TMEM8B: variants seen among roughly 807,000 people sequenced by gnomAD.
The protein encoded by TMEM8B is transmembrane protein 8B, also known as nasopharyngeal carcinoma expressed 6.
In TMEM8B, 29 loss-of-function variants were observed where a neutral mutation model predicts 49.3. The observed-to-expected ratio is 0.59, with a 90% CI of 0.44 to 0.80. The LOEUF (loss-of-function observed/expected upper bound fraction) is 0.80. Among genes scored for constraint, TMEM8B ranks in the 30% least tolerant of loss-of-function variants. TMEM8B has a pLI of 0.00. For missense variants in TMEM8B, 575 were observed against 658.5 expected (o/e 0.87, Z 1.39); for synonymous variants, 264 against 272.8 (o/e 0.97, Z 0.32).
Position 35,853,591 on chromosome 9 carries a change from A to G in TMEM8B, c.2526A>G (p.Ala842=), listed in dbSNP as rs769693103. 10 of 1,614,226 alleles carry G rather than the reference A, an allele frequency of 6.2e-6. No homozygotes were observed. The South Asian group carries it at 6.6e-5, about 11-fold the overall frequency. Residue 842 remains alanine, a synonymous_variant, in exon 13 of 13, where the codon GCA becomes GCG. Transcript: ENST00000643932. This position sits in a 1 kb window ranked among gnomAD's most constrained non-coding sequence, Gnocchi z 4.2. The stretch of plus-strand genomic sequence containing the variant: ...ACTTGTGCCCTGGCAGCCTTATTGC[A>G]GGCAGTGCCGTCCTGCTTTATGCTT... The part of the protein sequence containing the change: ...LFYLCPGSLI[A]GSAVLLYAFV...
intron 10 of TMEM8B, among the ~76,000 whole-genome samples, chr9:35,851,634 G>T (rs1832148246): frequency 6.6e-6 from 1 of 152,154 alleles, no homozygotes; most frequent in Admixed American, 6.5e-5. Context: ...TTTTGCAGGA[G>T]CAAAATTCTT....
At position 35,841,838 on chromosome 9, in the gene TMEM8B, G is replaced by A. The variant is rs1376512687; in HGVS notation, c.1309+44G>A. ...GCCCCAGTCTGTGTAGACATCTGTG[G>A]TTGGGAAGTGACTTGGGTGGCTGTG... On this transcript the variant is annotated intron_variant, in intron 5 of 12. Coordinates refer to ENST00000643932, the MANE Select transcript of TMEM8B (RefSeq NM_001042590.4). The surrounding 1 kb of genome is among the most constrained non-coding windows in gnomAD (Gnocchi z 5.9). 4 of 415,524 alleles carry A rather than the reference G, an allele frequency of 9.6e-6. No individual in the cohort carries two copies. The highest frequency in any genetic ancestry group is 2.1e-5 in the African/African-American group (1 of 48,694). 25.7% of individuals were successfully genotyped at this position (415,524 alleles called of 1,614,324 possible). A position where few individuals can be genotyped will look rare whatever the true frequency, so the allele number is the denominator to read the frequency against.
rs1326419253 is a variant in TMEM8B, at chr9:35,846,815, A to G, written c.1997-2A>G. The G allele has an allele frequency of 6.2e-7, 1 of 1,611,056 alleles. No homozygotes were observed. The highest frequency in any genetic ancestry group is 1.1e-5 in the South Asian group (1 of 90,994). On this transcript the variant is annotated splice_acceptor_variant, in intron 9 of 12. Transcript: ENST00000643932. LOFTEE classifies it high-confidence loss of function. The stretch of plus-strand genomic sequence containing the variant: ...TCCATTCTGTGCCTTCCCCACCCGC[A>G]GGGTGGAGAGGCTGGGGCTGCACCG...
rs769186047 is a variant in TMEM8B, at chr9:35,853,094, C to T, written c.2323-47C>T. 8.1e-6 allele frequency: 13 copies of T among 1,606,406 alleles called. No homozygotes were observed. The highest frequency in any genetic ancestry group is 9.4e-6 in the Non-Finnish European group (11 of 1,173,344). On this transcript the variant is annotated intron_variant, in intron 11 of 12. Coordinates refer to ENST00000643932, the MANE Select transcript of TMEM8B (RefSeq NM_001042590.4). This position sits in a 1 kb window ranked among gnomAD's most constrained non-coding sequence, Gnocchi z 4.2. ...TGATTCTGACCCAGGCCCTGGAGTG[C>T]TGTCTGTCACCTGGCCCTAGCCCAG...
rs942249199 is a variant in TMEM8B, at chr9:35,862,296, G to T, written c.*8456G>T. On this transcript the variant is annotated 3_prime_UTR_variant, in exon 13 of 13. Coordinates refer to ENST00000643932, the MANE Select transcript of TMEM8B (RefSeq NM_001042590.4). ...CTGAGATTCTCTCTGAGTCTGGGAT[G>T]TAAAGACAAAGTAAAACCTGAAATC... 3 of 152,206 alleles carry T rather than the reference G, an allele frequency of 2.0e-5. No homozygotes were observed. Among genetic ancestry groups the T allele is most frequent in the African/African-American group, 7.2e-5 (3 of 41,434 alleles). The allele number at this position is 152,206 out of a possible 1,614,324, so 9.4% of individuals were successfully genotyped here.
chr9:35,833,268 A>G (rs1398431274), intron 1 of TMEM8B: 2 of 977,998 alleles, frequency 2.0e-6, no homozygotes, highest in African/African-American at 3.5e-5. Flanking sequence ...GCCCCTCCAG[A>G]GTAGTCCTTA....
rs1206826648 is a variant in TMEM8B at position 35,859,696 on chromosome 9, A to G, written c.*5856A>G. 1 of 157,362 alleles carries G rather than the reference A, an allele frequency of 6.4e-6. No homozygotes were observed. The highest frequency in any genetic ancestry group is 1.5e-5 in the Non-Finnish European group (1 of 68,858). 9.7% of individuals were successfully genotyped at this position (157,362 alleles called of 1,614,324 possible). A position where few individuals can be genotyped will look rare whatever the true frequency, so the allele number is the denominator to read the frequency against. On this transcript the variant is annotated 3_prime_UTR_variant, in exon 13 of 13. Coordinates refer to ENST00000643932, the MANE Select transcript of TMEM8B (RefSeq NM_001042590.4). ...AGGGTCAGGTACATCTGCAGGGCAC[A>G]GCCAGGGAAGGAAATGGTCCTCTGG...
In TMEM8B at chr9:35,841,422, G is replaced by A; in HGVS notation, c.1041-104G>A. On this transcript the variant is annotated intron_variant, in intron 4 of 12. Coordinates refer to ENST00000643932, the MANE Select transcript of TMEM8B (RefSeq NM_001042590.4). The surrounding 1 kb of genome is among the most constrained non-coding windows in gnomAD (Gnocchi z 5.9). ...AGCACAGAGCGGGAGACCTGAACAG[G>A]CCTCCTTCCCACCCTATGCCCCCTC... 1 of 410,684 alleles carries A rather than the reference G, an allele frequency of 2.4e-6. No homozygotes were observed. Among genetic ancestry groups the A allele is most frequent in the African/African-American group, 2.0e-5 (1 of 48,788 alleles). 25.4% of individuals were successfully genotyped at this position (410,684 alleles called of 1,614,324 possible).
At chr9:35,834,965 C>G (rs1830304044) in intron 2 of TMEM8B, 46 bp from the exon 3 acceptor site, 1 of 415,674 alleles carries the variant, frequency 2.4e-6, no homozygotes, top group Non-Finnish European at 4.4e-6. Context: ...TTCCTGCCTC[C>G]CACCCCATTG....
intron 3 of TMEM8B, among the ~76,000 whole-genome samples, chr9:35,838,115 G>A (rs1830615871): frequency 6.6e-6 from 1 of 152,202 alleles, no homozygotes; most frequent in Non-Finnish European, 1.5e-5. Flanking sequence ...GAGGTGGTTA[G>A]AATCTGCTAA....
In TMEM8B at chr9:35,853,402, CTT is replaced by C; in HGVS notation, c.2440-101_2440-100del. On this transcript the variant is annotated intron_variant, in intron 12 of 12. Transcript: ENST00000643932. This position sits in a 1 kb window ranked among gnomAD's most constrained non-coding sequence, Gnocchi z 4.2. The stretch of plus-strand genomic sequence containing the variant: ...TGTCCGCTCCAGTCTTGGCAGGTGT[CTT>C]TAGGTCACAACCAGGATACAGAGGA... 1.3e-6 allele frequency: 2 copies of C among 1,508,602 alleles called. No individual in the cohort carries two copies. The highest frequency in any genetic ancestry group is 2.7e-5 in the African/African-American group (2 of 72,772). The allele number at this position is 1,508,602 out of a possible 1,614,324, so 93.5% of individuals were successfully genotyped here.
At chr9:35,845,273 C>A in intron 6 of TMEM8B, 1 of 463,240 alleles carries the variant, frequency 2.2e-6, no homozygotes, top group Non-Finnish European at 2.8e-6. Flanking sequence ...AAATATATGG[C>A]CTACCTTAGG....
chr9:35,842,249 C>T lies in TMEM8B; in HGVS notation c.1310-143C>T. 1.7e-6 allele frequency: 1 copy of T among 582,798 alleles called. No homozygotes were observed. Among genetic ancestry groups the T allele is most frequent in the South Asian group, 3.4e-5 (1 of 29,602 alleles). The allele number at this position is 582,798 out of a possible 1,614,324, so 36.1% of individuals were successfully genotyped here. On this transcript the variant is annotated intron_variant, in intron 5 of 12. Coordinates refer to ENST00000643932, the MANE Select transcript of TMEM8B (RefSeq NM_001042590.4). This position sits in a 1 kb window ranked among gnomAD's most constrained non-coding sequence, Gnocchi z 5.6. ...TAGGAAACCCCTATAAACCTGGATG[C>T]CCCACACTCCCAAGGGACATCGCAT...
chr9:35,851,906 T>C (rs919719675), intron 10 of TMEM8B, among the ~76,000 whole-genome samples: 1 of 152,254 alleles, frequency 6.6e-6, no homozygotes, highest in Admixed American at 6.5e-5. Flanking sequence ...TTTTCATCTT[T>C]TGTCTCTAGA....
intron 3 of TMEM8B, among the ~76,000 whole-genome samples, chr9:35,838,260 T>G (rs1170210861): frequency 6.6e-6 from 1 of 152,166 alleles, no homozygotes; most frequent in Non-Finnish European, 1.5e-5. Context: ...ATTCTTCCAG[T>G]CTCCAATTCC....
At chr9:35,836,891 A>G (rs568605146) in intron 3 of TMEM8B, among the ~76,000 whole-genome samples, 8 of 152,306 alleles carry the variant, frequency 5.3e-5, no homozygotes, top group Non-Finnish European at 7.4e-5. Flanking sequence ...TAGTGCTTCC[A>G]TCAGCCCTGT....
rs2132434433 is a variant in TMEM8B at position 35,864,331 on chromosome 9, G to A, written c.*10491G>A. On this transcript the variant is annotated 3_prime_UTR_variant, in exon 13 of 13. Coordinates refer to ENST00000643932, the MANE Select transcript of TMEM8B (RefSeq NM_001042590.4). ...TTTTAACCACTTAATACTTATTTTA[G>A]GCTTCACAAATTATTTTAAAAGAAA... The A allele has an allele frequency of 6.6e-6, 1 of 152,238 alleles. No homozygotes were observed. Among genetic ancestry groups the A allele is most frequent in the Admixed American group, 6.5e-5 (1 of 15,292 alleles). 9.4% of individuals were successfully genotyped at this position (152,238 alleles called of 1,614,324 possible).
intron 1 of TMEM8B, among the ~76,000 whole-genome samples, chr9:35,830,396 T>C (rs1463519218): frequency 2.0e-5 from 3 of 152,228 alleles, no homozygotes; most frequent in Admixed American, 6.5e-5. Context: ...AAAGATAATA[T>C]GTAGCAAATA....
intron 6 of TMEM8B, chr9:35,845,542 A>G (rs1831438786): frequency 1.0e-6 from 1 of 985,292 alleles, no homozygotes; most frequent in African/African-American, 1.7e-5. Context: ...CCTGAGTTGG[A>G]GTGAGTGTCT....
Sources: gnomAD v4.1 joint callset for allele counts (sites outside exome capture counted in the v4.1 genomes callset) on GRCh38, gnomAD v4.1.1 for gene constraint, Gnocchi (gnomAD v3.1) non-coding constraint, MANE v1.5 for transcripts, NCBI Gene and HGNC (gene_info 2026-07-23, HGNC 2026-07-21) for gene names.